The following CFAP44 variants were observed in gnomAD, a reference collection of about 807,000 sequenced individuals.
The protein encoded by CFAP44 is cilia- and flagella-associated protein 44.
CFAP44 carries 134 observed loss-of-function variants against 216.2 expected under a neutral mutation model. The observed-to-expected ratio is 0.62, with a 90% CI of 0.54 to 0.72. The LOEUF (loss-of-function observed/expected upper bound fraction) is 0.72. Ranked by LOEUF, CFAP44 falls within the 30% of genes least tolerant of loss-of-function variation. CFAP44 has a pLI of 0.00. For synonymous variants in CFAP44, 700 were observed against 727.6 expected (o/e 0.96, Z 0.61); for missense variants, 2,035 against 2,182.1 (o/e 0.93, Z 1.34).
At chr3:113,308,290 G>C (rs1950005364) in intron 28 of CFAP44, 22 bp from the exon 29 acceptor site, 8 of 1,492,884 alleles carry the variant, frequency 5.4e-6, no homozygotes, top group Non-Finnish European at 7.1e-6. Flanking sequence ...GGAGGGCATT[G>C]TTAACAAAGA....
In CFAP44 at chr3:113,416,445, A is replaced by C. The variant is rs578111345; in HGVS notation, c.673+80T>G. The C allele has an allele frequency of 4.6e-5, 53 of 1,141,478 alleles. No individual in the cohort carries two copies. In the South Asian group the frequency reaches 7.0e-4, roughly 15 times the overall value. 70.7% of individuals were successfully genotyped at this position (1,141,478 alleles called of 1,614,324 possible). On this transcript the variant is annotated intron_variant, in intron 6 of 34. Transcript: ENST00000393845. ...AGTTCTGTTTCTCTGGAGAACCTTGACTTATGAAATAATGTCACACCTTCT... is the reference window on the plus strand; with the variant it reads ...AGTTCTGTTTCTCTGGAGAACCTTGCCTTATGAAATAATGTCACACCTTCT...
intron 32 of CFAP44, among the ~76,000 whole-genome samples, chr3:113,297,136 T>C (rs947160055): frequency 6.6e-6 from 1 of 152,156 alleles, no homozygotes; most frequent in Non-Finnish European, 1.5e-5. Flanking sequence ...TGGACTGATC[T>C]GCCCCTCCTC....
chr3:113,303,333 A>T (rs1406698208), intron 32 of CFAP44, among the ~76,000 whole-genome samples: 1 of 152,234 alleles, frequency 6.6e-6, no homozygotes, highest in Non-Finnish European at 1.5e-5. Context: ...CTAAATATCC[A>T]TCAATAGGAG....
chr3:113,298,321 G>A (rs192588042), intron 32 of CFAP44, among the ~76,000 whole-genome samples: 19 of 152,332 alleles, frequency 1.2e-4, no homozygotes, highest in Non-Finnish European at 2.5e-4. Flanking sequence ...GCTGTGAGCT[G>A]TGCTCTCCCT....
intron 30 of CFAP44, 116 bp from the exon 31 acceptor site, chr3:113,305,268 G>A (rs546470719): frequency 1.2e-6 from 1 of 868,872 alleles, no homozygotes; most frequent in African/African-American, 1.7e-5. Flanking sequence ...TGCTTTGTTG[G>A]GCTGTGATTA....
chr3:113,431,349 A>G (rs577718791), intron 2 of CFAP44, among the ~76,000 whole-genome samples: 6 of 152,290 alleles, frequency 3.9e-5, no homozygotes, highest in Admixed American at 6.5e-5. Flanking sequence ...GCCTAACAGC[A>G]TCTGACATAA....
chr3:113,377,734 C>A (rs778307685), intron 17 of CFAP44, among the ~76,000 whole-genome samples: 1 of 151,964 alleles, frequency 6.6e-6, no homozygotes, highest in Non-Finnish European at 1.5e-5. Flanking sequence ...CTCACTGCAA[C>A]CTTCACCTCC....
At chr3:113,318,121 T>C (rs539939270) in intron 28 of CFAP44, among the ~76,000 whole-genome samples, 5 of 151,956 alleles carry the variant, frequency 3.3e-5, no homozygotes, top group African/African-American at 1.2e-4. Context: ...AGGAAGCTCA[T>C]CAAGATTCAG....
chr3:113,390,600 A>C (rs968529132), intron 15 of CFAP44, among the ~76,000 whole-genome samples: 12 of 152,188 alleles, frequency 7.9e-5, no homozygotes, highest in African/African-American at 2.9e-4. Flanking sequence ...TAAAATCTAA[A>C]GACGCCACCA....
intron 17 of CFAP44, among the ~76,000 whole-genome samples, chr3:113,376,008 T>C (rs952451387): frequency 6.6e-5 from 10 of 152,062 alleles, no homozygotes; most frequent in African/African-American, 1.9e-4. Context: ...ATTAGTAAGA[T>C]AGTAGATTTA....
At position 113,290,206 on chromosome 3, in the gene CFAP44, GC is replaced by G. The variant is rs1439567464; in HGVS notation, c.*1350del. 6.6e-6 allele frequency: 1 copy of G among 152,176 alleles called. No homozygotes were observed. The highest frequency in any genetic ancestry group is 1.5e-5 in the Non-Finnish European group (1 of 68,038). 9.4% of individuals were successfully genotyped at this position (152,176 alleles called of 1,614,324 possible). A position where few individuals can be genotyped will look rare whatever the true frequency, so the allele number is the denominator to read the frequency against. On this transcript the variant is annotated 3_prime_UTR_variant, in exon 35 of 35. Transcript: ENST00000393845. ...AAGTGATTTAAAAAAAAAAGTGGGT[GC>G]TCTCCAGTAGAGAAGTGACTACATC...
intron 22 of CFAP44, among the ~76,000 whole-genome samples, chr3:113,351,253 G>T (rs1421741537): frequency 6.6e-6 from 1 of 152,164 alleles, no homozygotes; most frequent in Non-Finnish European, 1.5e-5. Flanking sequence ...CAAAAGTAAA[G>T]TTTGCTAAAA....
intron 15 of CFAP44, among the ~76,000 whole-genome samples, chr3:113,383,268 G>T (rs1056982406): frequency 6.6e-6 from 1 of 152,170 alleles, no homozygotes; most frequent in African/African-American, 2.4e-5. Flanking sequence ...AGAGTTCTAG[G>T]AGCTGGGAAG....
At chr3:113,410,297 C>A (rs980558731) in intron 6 of CFAP44, among the ~76,000 whole-genome samples, 7 of 152,136 alleles carry the variant, frequency 4.6e-5, no homozygotes, top group African/African-American at 1.7e-4. Context: ...TATCCCTACC[C>A]CCTCTCCCAC....
At chr3:113,422,481 G>T (rs1934843374) in intron 4 of CFAP44, among the ~76,000 whole-genome samples, 1 of 152,128 alleles carries the variant, frequency 6.6e-6, no homozygotes. Flanking sequence ...GAAAGAGAGA[G>T]ATAAAGCATT....
At chr3:113,422,102 TAAGC>T (rs1160456290) in intron 4 of CFAP44, among the ~76,000 whole-genome samples, 3 of 152,124 alleles carry the variant, frequency 2.0e-5, no homozygotes, top group Non-Finnish European at 4.4e-5. Context: ...ATAAATATAA[TAAGC>T]AAGTTAAATG....
chr3:113,421,423 G>A (rs1172134656), intron 4 of CFAP44, among the ~76,000 whole-genome samples: 2 of 152,204 alleles, frequency 1.3e-5, no homozygotes, highest in Admixed American at 6.5e-5. Flanking sequence ...ACTGTGGAAA[G>A]CAGTTTGAAG....
At chr3:113,341,687 T>C (rs964668444) in intron 24 of CFAP44, 57 bp downstream of exon 24, 2 of 1,366,342 alleles carry the variant, frequency 1.5e-6, no homozygotes, top group Non-Finnish European at 1.9e-6. Context: ...TTTTAAGATA[T>C]ATTATTTTGG....
At chr3:113,434,730 T>C (rs989544536) in intron 1 of CFAP44, 1 of 152,202 alleles carries the variant, frequency 6.6e-6, no homozygotes, top group African/African-American at 2.4e-5. Context: ...TGAATCCCAG[T>C]ACTGACATAT....
Sources: allele counts gnomAD v4.1 joint callset (sites outside exome capture counted in the v4.1 genomes callset), GRCh38; gene constraint gnomAD v4.1.1; transcripts MANE v1.5; gene names NCBI Gene and HGNC (gene_info 2026-07-23, HGNC 2026-07-21).